Variants in CAMTA1 observed in about 807,000 individuals in gnomAD.
CAMTA1 encodes calmodulin binding transcription activator 1.
A neutral mutation model predicts 170.9 loss-of-function variants in CAMTA1; 27 were observed. That is an observed-to-expected ratio of 0.16 (90% CI 0.12 to 0.22). The LOEUF (loss-of-function observed/expected upper bound fraction) is 0.22. Ranked by LOEUF, CAMTA1 falls within the 10% of genes least tolerant of loss-of-function variation. The pLI is 1.00. For missense variants in CAMTA1, 1,619 were observed against 2,217.2 expected, an observed-to-expected ratio of 0.73 and a Z score of 5.42; for synonymous variants, 833 against 891.5, an observed-to-expected ratio of 0.93 and a Z score of 1.17.
intron 3 of CAMTA1, among the ~76,000 whole-genome samples, chr1:6,939,168 C>A (rs980587822): frequency 6.6e-6 from 1 of 152,126 alleles, no homozygotes; most frequent in Non-Finnish European, 1.5e-5. Flanking sequence ...GAGGAGCAGG[C>A]GTGGAGCGTC....
chr1:7,200,533 T>G (rs1656468725), intron 4 of CAMTA1, among the ~76,000 whole-genome samples: 2 of 152,204 alleles, frequency 1.3e-5, no homozygotes. Context: ...TCTGGAAGAG[T>G]TCTGCCGTCT....
At chr1:7,451,764 TTC>T (rs1253829355) in intron 5 of CAMTA1, among the ~76,000 whole-genome samples, 4 of 152,020 alleles carry the variant, frequency 2.6e-5, no homozygotes, top group Non-Finnish European at 5.9e-5. Flanking sequence ...CTCCAGAGGG[TTC>T]TCACCCAACC....
At position 7,728,076 on chromosome 1, in the gene CAMTA1, A is replaced by C. The variant is rs190031849; in HGVS notation, c.2915-4372A>C. 1.9e-3 allele frequency among the ~76,000 whole-genome samples: 284 copies of C among 152,382 alleles called. 1 individual carries two copies. Among genetic ancestry groups the C allele is most frequent in the African/African-American group, 6.4e-3 (268 of 41,592 alleles). On this transcript the variant is annotated intron_variant, in intron 11 of 22. Coordinates refer to ENST00000303635, the MANE Select transcript of CAMTA1 (RefSeq NM_015215.4). Reference sequence around the variant, plus strand: ...GTTAAGAGGCACATAATTGCTTCTGAGTATTTTCATGAGGTGCTTCTCAGA... The same window carrying C: ...GTTAAGAGGCACATAATTGCTTCTGCGTATTTTCATGAGGTGCTTCTCAGA...
intron 3 of CAMTA1, among the ~76,000 whole-genome samples, chr1:6,839,615 C>T (rs934717059): frequency 6.6e-6 from 1 of 151,676 alleles, no homozygotes; most frequent in Non-Finnish European, 1.5e-5. Flanking sequence ...CAAAGTAGAG[C>T]AGGGTACTGA....
intron 4 of CAMTA1, among the ~76,000 whole-genome samples, chr1:7,150,663 T>C (rs1646519839): frequency 6.6e-6 from 1 of 151,744 alleles, no homozygotes; most frequent in African/African-American, 2.4e-5. Flanking sequence ...GAACCACTGC[T>C]CCACCCAATG....
chr1:7,406,182 G>A (rs780702827), intron 5 of CAMTA1, among the ~76,000 whole-genome samples: 6 of 152,256 alleles, frequency 3.9e-5, no homozygotes, highest in Non-Finnish European at 5.9e-5. Flanking sequence ...GATGAGAAGG[G>A]CTATGCCAAG....
At chr1:6,962,389 C>T (rs1179817255) in intron 3 of CAMTA1, among the ~76,000 whole-genome samples, 1 of 148,388 alleles carries the variant, frequency 6.7e-6, no homozygotes, top group Non-Finnish European at 1.5e-5. Flanking sequence ...CTTCCACTCC[C>T]CCTCTGGGCC....
intron 4 of CAMTA1, among the ~76,000 whole-genome samples, chr1:7,101,902 C>T (rs998147512): frequency 6.6e-6 from 1 of 152,210 alleles, no homozygotes; most frequent in African/African-American, 2.4e-5. Flanking sequence ...CACATATACA[C>T]ACAACTACAC....
At chr1:7,183,334 C>T (rs1652601526) in intron 4 of CAMTA1, among the ~76,000 whole-genome samples, 1 of 152,128 alleles carries the variant, frequency 6.6e-6, no homozygotes, top group African/African-American at 2.4e-5. Context: ...CATCAGGCCC[C>T]AACTGCAACT....
chr1:7,114,447 G>GAAAA (rs35442405), intron 4 of CAMTA1, among the ~76,000 whole-genome samples: 2 of 137,286 alleles, frequency 1.5e-5, no homozygotes, highest in East Asian at 2.1e-4. Flanking sequence ...TGATAAGCCA[G>GAAAA]AAAAAACAAA....
At chr1:7,379,181 T>C (rs561915676) in intron 5 of CAMTA1, among the ~76,000 whole-genome samples, 1 of 152,366 alleles carries the variant, frequency 6.6e-6, no homozygotes, top group South Asian at 2.1e-4. Flanking sequence ...GTCAATATAC[T>C]AAGATCTACC....
At chr1:7,428,817 A>G (rs2092006052) in intron 5 of CAMTA1, among the ~76,000 whole-genome samples, 1 of 150,018 alleles carries the variant, frequency 6.7e-6, no homozygotes, top group African/African-American at 2.5e-5. Context: ...TTGGTTTCGG[A>G]GCTGGTTGTC....
intron 3 of CAMTA1, among the ~76,000 whole-genome samples, chr1:7,006,893 C>T (rs111524727): frequency 3.3e-5 from 5 of 151,788 alleles, no homozygotes; most frequent in Admixed American, 2.0e-4. Flanking sequence ...CTTTTTTTCC[C>T]GGTTGGAGGA....
At chr1:7,310,601 T>TTCC (rs1676322322) in intron 5 of CAMTA1, among the ~76,000 whole-genome samples, 1 of 1,356 alleles carries the variant, frequency 7.4e-4, no homozygotes, top group African/African-American at 7.5e-3. Context: ...TTTCTTTTCT[T>TTCC]TTCTTTCTTT....
At chr1:6,886,242 C>G (rs1236139246) in intron 3 of CAMTA1, 1 of 455,976 alleles carries the variant, frequency 2.2e-6, no homozygotes, top group Non-Finnish European at 4.4e-6. Flanking sequence ...TTATACAGGT[C>G]TTAAAATTTT....
At chr1:7,475,922 CAT>C (rs2149590565) in intron 6 of CAMTA1, among the ~76,000 whole-genome samples, 1 of 152,336 alleles carries the variant, frequency 6.6e-6, no homozygotes, top group East Asian at 1.9e-4. Flanking sequence ...AAGGTGCACA[CAT>C]GTGCAGTGAG....
chr1:7,306,121 T>C (rs1446109871), intron 5 of CAMTA1, among the ~76,000 whole-genome samples: 1 of 152,092 alleles, frequency 6.6e-6, no homozygotes, highest in African/African-American at 2.4e-5. Context: ...TTTTACAATT[T>C]CGTTGAAGTC....
intron 12 of CAMTA1, among the ~76,000 whole-genome samples, chr1:7,735,444 CAA>C (rs1028269439): frequency 3.1e-4 from 18 of 58,076 alleles, no homozygotes; most frequent in Non-Finnish European, 3.6e-4. Flanking sequence ...GACTCTGTCT[CAA>C]AAAAAAAAAA....
chr1:7,763,553 AAACTT>A (rs1195809845), intron 22 of CAMTA1, among the ~76,000 whole-genome samples: 4 of 152,246 alleles, frequency 2.6e-5, no homozygotes, highest in African/African-American at 9.6e-5. Flanking sequence ...AACCTTATGA[AAACTT>A]AACTTTTTAA....
Sources: gnomAD v4.1 joint callset for allele counts (sites outside exome capture counted in the v4.1 genomes callset) on GRCh38, gnomAD v4.1.1 for gene constraint, MANE v1.5 for transcripts, NCBI Gene and HGNC (gene_info 2026-07-23, HGNC 2026-07-21) for gene names.